The following ADA2 variants were observed in gnomAD, a reference collection of about 807,000 sequenced individuals.
ADA2 encodes adenosine deaminase CECR1.
ADA2 carries 29 observed loss-of-function variants against 44.2 expected under a neutral mutation model. The ratio of observed to expected loss-of-function variants is 0.66; its 90% CI spans 0.49 to 0.89. The LOEUF (loss-of-function observed/expected upper bound fraction) is 0.89, where lower values mean the gene tolerates loss of function less well. ADA2 is among the 40% of genes least tolerant of loss of function. The pLI, the probability that ADA2 is intolerant of heterozygous loss-of-function variation, is 0.00. For missense variants in ADA2, 637 were observed against 644.8 expected (o/e 0.99, Z 0.13); for synonymous variants, 215 against 234.9 (o/e 0.92, Z 0.77).
intron 4 of ADA2, among the ~76,000 whole-genome samples, chr22:17,198,981 T>C (rs2062232604): frequency 6.6e-6 from 1 of 151,578 alleles, no homozygotes; most frequent in Admixed American, 6.6e-5. Flanking sequence ...GCAAAAGGAT[T>C]CTAGTGAAGA....
At chr22:17,184,868 G>A (rs2062016682) in intron 7 of ADA2, among the ~76,000 whole-genome samples, 1 of 143,718 alleles carries the variant, frequency 7.0e-6, no homozygotes. Context: ...GGTGGAGGCT[G>A]TAGTGAGCTG....
At chr22:17,208,063 A>G (rs2062374548) in intron 2 of ADA2, among the ~76,000 whole-genome samples, 1 of 152,078 alleles carries the variant, frequency 6.6e-6, no homozygotes, top group African/African-American at 2.4e-5. Context: ...GCCTCCCAGC[A>G]ACTGGGGATG....
intron 3 of ADA2, among the ~76,000 whole-genome samples, chr22:17,205,669 T>A (rs1429374461): frequency 6.6e-6 from 1 of 152,204 alleles, no homozygotes; most frequent in Non-Finnish European, 1.5e-5. Flanking sequence ...AAATTAATTG[T>A]CACTTATAAT....
chr22:17,190,088 C>T (rs762058436), intron 5 of ADA2, 56 bp from the exon 6 acceptor site: 6 of 1,336,612 alleles, frequency 4.5e-6, no homozygotes, highest in East Asian at 4.6e-5. Flanking sequence ...AGAGCACAAA[C>T]CCCAGAGCAC....
At chr22:17,182,125 C>A in intron 8 of ADA2, 103 bp from the exon 9 acceptor site, 1 of 856,230 alleles carries the variant, frequency 1.2e-6, no homozygotes. Flanking sequence ...TTCATCTTCC[C>A]ATCACTATCT....
intron 4 of ADA2, among the ~76,000 whole-genome samples, chr22:17,202,968 G>A (rs1267382083): frequency 6.6e-6 from 1 of 151,680 alleles, no homozygotes; most frequent in African/African-American, 2.4e-5. Flanking sequence ...TAGAGACAGT[G>A]TTTCACCATA....
chr22:17,186,708 A>C (rs577827308), intron 7 of ADA2, among the ~76,000 whole-genome samples: 2 of 151,998 alleles, frequency 1.3e-5, no homozygotes, highest in African/African-American at 4.8e-5. Context: ...ATCTCTACTA[A>C]AAATACAAAA....
chr22:17,194,504 G>A (rs1437536282), intron 4 of ADA2, among the ~76,000 whole-genome samples: 1 of 152,108 alleles, frequency 6.6e-6, no homozygotes, highest in African/African-American at 2.4e-5. Flanking sequence ...GTGCTGCCCC[G>A]CTGCCTGGGC....
At chr22:17,184,605 A>C (rs2062014342) in intron 7 of ADA2, among the ~76,000 whole-genome samples, 1 of 152,098 alleles carries the variant, frequency 6.6e-6, no homozygotes, top group South Asian at 2.1e-4. Flanking sequence ...TCTTGCAGCC[A>C]TAAGCATTCT....
Position 17,181,480 on chromosome 22 carries a change from T to C in ADA2, c.*3A>G. ...AGCTTGTAGAGGGCTGGCTAGCTTC[T>C]CCTCACTTTGTAGCCACATCTGCTA... is the stretch of plus-strand genomic sequence containing the variant. On this transcript the variant is annotated 3_prime_UTR_variant, in exon 10 of 10. Coordinates refer to ENST00000399837, the MANE Select transcript of ADA2 (RefSeq NM_001282225.2). 1 of 1,599,380 alleles carries C rather than the reference T, an allele frequency of 6.3e-7. No individual in the cohort carries two copies. The highest frequency in any genetic ancestry group is 8.6e-7 in the Non-Finnish European group (1 of 1,166,500).
rs567736280 is a variant in ADA2, at chr22:17,187,154, G to A, written c.1081+1185C>T. On this transcript the variant is annotated intron_variant, in intron 7 of 9. Transcript: ENST00000399837. ...TGCACTCCAGCCTGGGCCACAGAGC[G>A]AGACTCCATCTCAAAAAAAAAAAAA... 3.7e-3 allele frequency among the ~76,000 whole-genome samples: 503 copies of A among 136,852 alleles called. 3 individuals are homozygous for A. Among genetic ancestry groups the A allele is most frequent in the African/African-American group, 0.013 (472 of 36,820 alleles). The allele number at this position is 136,852 out of a possible 152,430, so 89.8% of individuals were successfully genotyped here. A position where few individuals can be genotyped will look rare whatever the true frequency, so the allele number is the denominator to read the frequency against.
At chr22:17,200,051 T>C (rs899911264) in intron 4 of ADA2, among the ~76,000 whole-genome samples, 2 of 152,104 alleles carry the variant, frequency 1.3e-5, no homozygotes, top group Non-Finnish European at 2.9e-5. Context: ...AAAAATTAGC[T>C]GAGTGCGGTG....
intron 7 of ADA2, among the ~76,000 whole-genome samples, chr22:17,186,159 G>A (rs2062033235): frequency 6.6e-6 from 1 of 152,154 alleles, no homozygotes; most frequent in South Asian, 2.1e-4. Flanking sequence ...TAAAGACAAG[G>A]AGCAGACCTG....
chr22:17,203,452 C>T (rs2123699050), intron 4 of ADA2, 111 bp downstream of exon 4: 2 of 820,290 alleles, frequency 2.4e-6, no homozygotes, highest in Non-Finnish European at 4.0e-6. Context: ...TGATCCCTTG[C>T]ACCAGAGACC....
At chr22:17,187,858 A>G (rs2062054601) in intron 7 of ADA2, among the ~76,000 whole-genome samples, 2 of 151,948 alleles carry the variant, frequency 1.3e-5, no homozygotes, top group Admixed American at 6.6e-5. Context: ...TAATTCCAGC[A>G]CTTTGGGAGG....
intron 1 of ADA2, among the ~76,000 whole-genome samples, chr22:17,211,926 C>CA (rs1401711703): frequency 6.7e-6 from 1 of 149,096 alleles, no homozygotes; most frequent in African/African-American, 2.5e-5. Flanking sequence ...GACTCCGTCT[C>CA]AAAAAAAGAG....
chr22:17,219,201 C>T (rs1287928798), intron 1 of ADA2, among the ~76,000 whole-genome samples, 155 bp downstream of exon 1: 1 of 152,192 alleles, frequency 6.6e-6, no homozygotes, highest in Non-Finnish European at 1.5e-5. Context: ...TTTCAAAAGC[C>T]TGTTGGGAGA....
intron 4 of ADA2, among the ~76,000 whole-genome samples, chr22:17,200,896 A>AAAAAAAC (rs2062274867): frequency 6.6e-6 from 1 of 151,456 alleles, no homozygotes; most frequent in East Asian, 1.9e-4. Flanking sequence ...AAAAAAAAAA[A>AAAAAAAC]CATATCTAAG....
In ADA2 at chr22:17,193,429, G is replaced by A. The variant is rs537813606; in HGVS notation, c.754-1619C>T. ...CGCCTGTAATCCCAGCACTTTGGGC[G>A]GTCGAGGTGGGTGGATCACGAGGTC... On this transcript the variant is annotated intron_variant, in intron 4 of 9. Transcript: ENST00000399837. 103 of 371,816 alleles carry A rather than the reference G, an allele frequency of 2.8e-4. 1 individual carries two copies. The highest frequency in any genetic ancestry group is 6.0e-4 in the South Asian group (21 of 34,912). 23.0% of individuals were successfully genotyped at this position (371,816 alleles called of 1,614,324 possible).
Sources: allele counts gnomAD v4.1 joint callset (sites outside exome capture counted in the v4.1 genomes callset), GRCh38; gene constraint gnomAD v4.1.1; transcripts MANE v1.5; gene names NCBI Gene and HGNC (gene_info 2026-07-23, HGNC 2026-07-21).